The following FAM90A1 variants were observed in gnomAD, a reference collection of about 807,000 sequenced individuals.
FAM90A1 encodes protein FAM90A1.
FAM90A1 carries 10 observed loss-of-function variants against 14.8 expected under a neutral mutation model. The ratio of observed to expected loss-of-function variants is 0.67; its 90% CI spans 0.42 to 1.14. The LOEUF is 1.14. Ranked by LOEUF, FAM90A1 falls within the 50% of genes most tolerant of loss-of-function variation. FAM90A1 has a pLI of 0.00. For missense variants in FAM90A1, 567 were observed against 602.8 expected, an observed-to-expected ratio of 0.94 and a Z score of 0.62; for synonymous variants, 236 against 248.4, an observed-to-expected ratio of 0.95 and a Z score of 0.47.
chr12:8,225,345 G>A (rs2953225), intron 3 of FAM90A1, among the ~76,000 whole-genome samples: 115,082 of 152,034 alleles, frequency 0.76, 44,957 homozygotes, highest in East Asian at 0.96. Flanking sequence ...TACTCTTGCC[G>A]TTTCATTAGG....
In FAM90A1 at chr12:8,221,626, T is replaced by A. The variant is rs1239953878; in HGVS notation, c.*196A>T. 6 of 660,986 alleles carry A rather than the reference T, an allele frequency of 9.1e-6. No homozygotes were observed. Among genetic ancestry groups the A allele is most frequent in the Non-Finnish European group, 1.5e-5 (6 of 390,142 alleles). 40.9% of individuals were successfully genotyped at this position (660,986 alleles called of 1,614,324 possible). A position where few individuals can be genotyped will look rare whatever the true frequency, so the allele number is the denominator to read the frequency against. On this transcript the variant is annotated 3_prime_UTR_variant, in exon 7 of 7. Coordinates refer to ENST00000538603, the MANE Select transcript of FAM90A1 (RefSeq NM_018088.3). ...AGAACCATGCGAACTACAATGTCCCTCACCAGAATTCAACGTGGCAGAGTC... is the reference window on the plus strand; with the variant it reads ...AGAACCATGCGAACTACAATGTCCCACACCAGAATTCAACGTGGCAGAGTC...
chr12:8,222,329 A>G lies in FAM90A1; in HGVS notation c.888T>C (p.Ala296=). ...GGAAGTTCAGGCAAGCCTGAATCGG[A>G]GCCGGGGCAGATCTCTTGGCTCCTG... ...FGPGAKRSAP[A]PIQACLNFPK... The change falls in exon 7 of 7, where the codon GCT becomes GCC. Residue 296 remains alanine (A), a synonymous_variant. Transcript: ENST00000538603. 1.9e-6 allele frequency: 3 copies of G among 1,611,574 alleles called. No individual in the cohort carries two copies. The highest frequency in any genetic ancestry group is 2.5e-6 in the Non-Finnish European group (3 of 1,179,930).
chr12:8,224,662 C>T (rs762248455), intron 4 of FAM90A1, 48 bp downstream of exon 4: 31 of 945,996 alleles, frequency 3.3e-5, no homozygotes, highest in South Asian at 8.4e-5. Context: ...CCCGTCCCCC[C>T]GCCCCCACCC....
At position 8,224,215 on chromosome 12, in the gene FAM90A1, G is replaced by A. The variant is rs768602665; in HGVS notation, c.124C>T (p.Leu42Phe). The A allele has an allele frequency of 6.2e-7, 1 of 1,611,426 alleles. No individual in the cohort carries two copies. ...APPPDEEDPR[L>F]KCKNCEAFGH... is the part of the protein sequence containing the mutation. Reference sequence around the variant, plus strand: ...AAGGCCTCACAGTTTTTGCACTTGAGCTGTGGGTGGAAAGGAAGTGATGTC... The same window carrying A: ...AAGGCCTCACAGTTTTTGCACTTGAACTGTGGGTGGAAAGGAAGTGATGTC... Residue 42 changes from leucine (L) to phenylalanine (F), a missense_variant and splice_region_variant, in exon 5 of 7, where the codon CTC becomes TTC. Coordinates refer to ENST00000538603, the MANE Select transcript of FAM90A1 (RefSeq NM_018088.3).
chr12:8,221,953 C>T lies in FAM90A1; in HGVS notation c.1264G>A (p.Ala422Thr), dbSNP rs761787607. 6.3e-7 allele frequency: 1 copy of T among 1,596,710 alleles called. No homozygotes were observed. The change falls in exon 7 of 7, where the codon GCC (alanine) becomes ACC (threonine). Residue 422 changes from alanine (A) to threonine (T), a missense_variant. Physicochemically the swap from Ala to Thr is moderately conservative, Grantham distance 58. Transcript: ENST00000538603. ...PSFHSPEKPG[A>T]FLAQSPHVSE... is the part of the protein sequence containing the mutation. ...ACATGAGGGCTCTGAGCGAGGAAGG[C>T]TCCCGGCTTCTCAGGAGAGTGAAAT...
chr12:8,227,454 C>T lies in FAM90A1; in HGVS notation c.-421+26G>A, dbSNP rs1379098187. 44 of 542,276 alleles carry T rather than the reference C, an allele frequency of 8.1e-5. No individual in the cohort carries two copies. In the East Asian group the frequency reaches 1.0e-3, roughly 13 times the overall value. 33.6% of individuals were successfully genotyped at this position (542,276 alleles called of 1,614,324 possible). A position where few individuals can be genotyped will look rare whatever the true frequency, so the allele number is the denominator to read the frequency against. On this transcript the variant is annotated intron_variant, in intron 1 of 6. Transcript: ENST00000538603. The stretch of plus-strand genomic sequence containing the variant: ...CAGAAGGCTGGGTCCACCCAGTGGG[C>T]GGTCGGGTGCCAGGCCAGTGCTTAC...
chr12:8,223,403 G>T, intron 6 of FAM90A1, 46 bp downstream of exon 6: 2 of 1,201,120 alleles, frequency 1.7e-6, no homozygotes, highest in Non-Finnish European at 2.5e-6. Context: ...AATCAACCAG[G>T]GTGACCTAGA....
At position 8,221,717 on chromosome 12, in the gene FAM90A1, C is replaced by T. The variant is rs1205844656; in HGVS notation, c.*105G>A. 8 of 1,304,342 alleles carry T rather than the reference C, an allele frequency of 6.1e-6. No individual in the cohort carries two copies. The highest frequency in any genetic ancestry group is 1.8e-5 in the Admixed American group (1 of 54,428). The allele number at this position is 1,304,342 out of a possible 1,614,324, so 80.8% of individuals were successfully genotyped here. A position where few individuals can be genotyped will look rare whatever the true frequency, so the allele number is the denominator to read the frequency against. On this transcript the variant is annotated 3_prime_UTR_variant, in exon 7 of 7. Transcript: ENST00000538603. ...CAGAAGGGCCACAGCCGGGGAGCTT[C>T]GGAGTCACCGCACAGAGTCTGCTCT...
At position 8,222,623 on chromosome 12, in the gene FAM90A1, TC is replaced by T. The variant is rs761778409; in HGVS notation, c.593del (p.Gly198AspfsTer29). 6.2e-7 allele frequency: 1 copy of T among 1,611,892 alleles called. No homozygotes were observed. On this transcript the variant is annotated frameshift_variant, in exon 7 of 7. Transcript: ENST00000538603. LOFTEE classifies it low-confidence loss of function (END_TRUNC). ...CAGCCCCTGTCTGTCTTTCCTTTGG[TC>T]CAAGACTTGAGGAGGAGCTCAGACT... ...KASLSSSSSL[G>X]PKERQTGAAA...
intron 5 of FAM90A1, among the ~76,000 whole-genome samples, 156 bp from the exon 6 acceptor site, chr12:8,223,713 T>C (rs1268571138): frequency 6.6e-6 from 1 of 152,158 alleles, no homozygotes; most frequent in East Asian, 1.9e-4. Flanking sequence ...GTGCCAACCT[T>C]CCCATCCTCC....
Position 8,222,612 on chromosome 12 carries a change from C to G in FAM90A1, c.605G>C (p.Arg202Thr). 1 of 1,611,956 alleles carries G rather than the reference C, an allele frequency of 6.2e-7. No homozygotes were observed. Among genetic ancestry groups the G allele is most frequent in the South Asian group, 1.1e-5 (1 of 90,994 alleles). ...SSSSSLGPKERQTGAAADIPQ... is the reference protein window; with the variant it reads ...SSSSSLGPKETQTGAAADIPQ... The stretch of plus-strand genomic sequence containing the variant: ...GATGTCGGCCGCAGCCCCTGTCTGT[C>G]TTTCCTTTGGTCCAAGACTTGAGGA... The change falls in exon 7 of 7, where the codon AGA becomes ACA. Residue 202 changes from arginine to threonine, a missense_variant. Physicochemically the swap from Arg to Thr is moderately conservative, Grantham distance 71. Transcript: ENST00000538603.
At chr12:8,223,424 A>G (rs1196488794) in intron 6 of FAM90A1, 25 bp downstream of exon 6, 2 of 1,458,658 alleles carry the variant, frequency 1.4e-6, no homozygotes, top group Admixed American at 1.7e-5. Flanking sequence ...GGAGAAAAAG[A>G]CCAGGGGCCC....
intron 5 of FAM90A1, 141 bp downstream of exon 5, chr12:8,223,875 G>T: frequency 1.1e-6 from 1 of 937,524 alleles, no homozygotes; most frequent in East Asian, 2.4e-5. Context: ...AACTCCGGAA[G>T]ACACAGAGCT....
intron 3 of FAM90A1, 74 bp from the exon 4 acceptor site, chr12:8,224,962 C>G: frequency 8.5e-7 from 1 of 1,178,650 alleles, no homozygotes. Flanking sequence ...GGAAGCCCCC[C>G]GCTAATTCCT....
chr12:8,225,551 C>T lies in FAM90A1; in HGVS notation c.-57+285G>A, dbSNP rs7967753. On this transcript the variant is annotated intron_variant, in intron 3 of 6. Coordinates refer to ENST00000538603, the MANE Select transcript of FAM90A1 (RefSeq NM_018088.3). ...TGCCATATCGTATCAATGTCTTACA[C>T]GGCTGAAGGGCAAACCACCCTTTTT... 0.084 allele frequency among the ~76,000 whole-genome samples: 12,762 copies of T among 151,844 alleles called. 562 individuals carry two copies. Among genetic ancestry groups the T allele is most frequent in the African/African-American group, 0.14 (5,972 of 41,446 alleles).
rs891333300 is a variant in FAM90A1, at chr12:8,221,358, G to A, written c.*464C>T. Reference sequence around the variant, plus strand: ...CTTTTCGAGGCTGAGGAAAGACCCCGAGAGCGCTTTGCACAGCGCGCTTCC... The same window carrying A: ...CTTTTCGAGGCTGAGGAAAGACCCCAAGAGCGCTTTGCACAGCGCGCTTCC... On this transcript the variant is annotated 3_prime_UTR_variant, in exon 7 of 7. Transcript: ENST00000538603. 4.9e-5 allele frequency: 11 copies of A among 226,248 alleles called. No homozygotes were observed. The highest frequency in any genetic ancestry group is 1.6e-4 in the African/African-American group (7 of 43,326). 14.0% of individuals were successfully genotyped at this position (226,248 alleles called of 1,614,324 possible).
At chr12:8,223,732 C>G (rs1948881521) in intron 5 of FAM90A1, among the ~76,000 whole-genome samples, 175 bp from the exon 6 acceptor site, 1 of 152,210 alleles carries the variant, frequency 6.6e-6, no homozygotes, top group African/African-American at 2.4e-5. Context: ...CCAGGTGGCC[C>G]TCTAGGCTTC....
At chr12:8,227,134 A>G (rs1381503771) in intron 1 of FAM90A1, among the ~76,000 whole-genome samples, 1 of 152,008 alleles carries the variant, frequency 6.6e-6, no homozygotes, top group African/African-American at 2.4e-5. Context: ...AGCCTCTTTT[A>G]ATTTTTCAAA....
At chr12:8,225,132 G>A (rs143077890) in intron 3 of FAM90A1, among the ~76,000 whole-genome samples, 1 of 152,284 alleles carries the variant, frequency 6.6e-6, no homozygotes, top group Non-Finnish European at 1.5e-5. Flanking sequence ...GGTATGGGGA[G>A]TTGAGCTTTC....
Sources: allele counts gnomAD v4.1 joint callset (sites outside exome capture counted in the v4.1 genomes callset), GRCh38; gene constraint gnomAD v4.1.1; transcripts MANE v1.5; gene names NCBI Gene and HGNC (gene_info 2026-07-23, HGNC 2026-07-21).